DBT: variants seen among roughly 807,000 people sequenced by gnomAD.
DBT encodes lipoamide acyltransferase component of branched-chain alpha-keto acid dehydrogenase complex, mitochondrial.
DBT carries 40 observed loss-of-function variants against 51.3 expected under a neutral mutation model. The ratio of observed to expected loss-of-function variants is 0.78; its 90% confidence interval spans 0.61 to 1.02. The LOEUF is 1.02. Among genes scored for constraint, DBT ranks in the 50% least tolerant of loss-of-function variants. DBT has a pLI of 0.00. For missense variants in DBT, 510 were observed against 580.2 expected, an observed-to-expected ratio of 0.88 and a Z score of 1.24; for synonymous variants, 181 against 190.4, an observed-to-expected ratio of 0.95 and a Z score of 0.41.
intron 5 of DBT, among the ~76,000 whole-genome samples, chr1:100,217,979 T>G (rs969900164): frequency 1.3e-5 from 2 of 152,180 alleles, no homozygotes; most frequent in African/African-American, 4.8e-5. Context: ...TTAAAATAGC[T>G]CCTTATCTTA....
chr1:100,218,666 A>C lies in DBT; in HGVS notation c.515T>G (p.Leu172Arg). 6.2e-7 allele frequency: 1 copy of C among 1,614,084 alleles called. No homozygotes were observed. Among genetic ancestry groups the C allele is most frequent in the East Asian group, 2.2e-5 (1 of 44,862 alleles). ...CAGACGGCGAACTGCAGGAGTTGCCAGTGTTTTTCGGCCCTTTATCTCTTG... is the reference window on the plus strand; with the variant it reads ...CAGACGGCGAACTGCAGGAGTTGCCCGTGTTTTTCGGCCCTTTATCTCTTG... ...THQEIKGRKT[L>R]ATPAVRRLAM... The change falls in exon 5 of 11, where the codon CTG (leucine) becomes CGG (arginine). Residue 172 changes from leucine to arginine, a missense_variant. By Grantham distance (102) the Leu-to-Arg change is moderately radical. Coordinates refer to ENST00000370132, the MANE Select transcript of DBT (RefSeq NM_001918.5).
intron 1 of DBT, among the ~76,000 whole-genome samples, chr1:100,249,562 C>G (rs1161116517): frequency 6.6e-6 from 1 of 152,186 alleles, no homozygotes; most frequent in Non-Finnish European, 1.5e-5. Flanking sequence ...GCTGCAGAAG[C>G]GCTTCCAGGT....
rs201469612 is a variant in DBT, at chr1:100,235,416, CT to C, written c.251+19del. ...AATTATTTTTAAATTTACTTAAGAG[CT>C]TTTTTCAGATTCACTTACCATTCTT... On this transcript the variant is annotated intron_variant, in intron 3 of 10. Coordinates refer to ENST00000370132, the MANE Select transcript of DBT (RefSeq NM_001918.5). 7.9e-7 allele frequency: 1 copy of C among 1,272,240 alleles called. No individual in the cohort carries two copies. Among genetic ancestry groups the C allele is most frequent in the Non-Finnish European group, 1.1e-6 (1 of 875,440 alleles). The allele number at this position is 1,272,240 out of a possible 1,614,324, so 78.8% of individuals were successfully genotyped here. A position where few individuals can be genotyped will look rare whatever the true frequency, so the allele number is the denominator to read the frequency against.
At chr1:100,247,931 G>A (rs1022993534) in intron 1 of DBT, among the ~76,000 whole-genome samples, 8 of 151,626 alleles carry the variant, frequency 5.3e-5, no homozygotes, top group Non-Finnish European at 1.0e-4. Flanking sequence ...GTGAAACCTC[G>A]TCTCTACTAA....
rs1433923614 is a variant in DBT at position 100,216,062 on chromosome 1, CT to C, written c.692del (p.Lys231SerfsTer5). 4 of 1,613,676 alleles carry C rather than the reference CT, an allele frequency of 2.5e-6. No individual in the cohort carries two copies. Among genetic ancestry groups the C allele is most frequent in the Non-Finnish European group, 3.4e-6 (4 of 1,179,776 alleles). On this transcript the variant is annotated frameshift_variant, in exon 6 of 11. Coordinates refer to ENST00000370132, the MANE Select transcript of DBT (RefSeq NM_001918.5). LOFTEE classifies it high-confidence loss of function. ...GTATAGGAACAGTCATGTCTTTTGG[CT>C]TTGGTGGAGGTGGCATAATTTCAAC... ...PKVEIMPPPPKPKDMTVPILV... is the reference protein window; with the variant it reads ...PKVEIMPPPPXPKDMTVPILV...
At chr1:100,215,948 C>T (rs963617373) in intron 6 of DBT, 35 bp downstream of exon 6, 2 of 1,254,966 alleles carry the variant, frequency 1.6e-6, no homozygotes, top group African/African-American at 1.5e-5. Flanking sequence ...AATAAATGAA[C>T]TATTGCCTTA....
intron 10 of DBT, among the ~76,000 whole-genome samples, chr1:100,199,213 C>T (rs1004380622): frequency 3.3e-5 from 5 of 152,020 alleles, no homozygotes; most frequent in African/African-American, 2.4e-5. Context: ...CCATGGTCAC[C>T]GATCACCTTT....
At chr1:100,241,945 C>A (rs984576043) in intron 1 of DBT, among the ~76,000 whole-genome samples, 2 of 151,634 alleles carry the variant, frequency 1.3e-5, no homozygotes, top group African/African-American at 4.8e-5. Flanking sequence ...CGCTTGAATG[C>A]GGGAGGCAGA....
chr1:100,242,098 T>C (rs2100847363), intron 1 of DBT, among the ~76,000 whole-genome samples: 1 of 152,308 alleles, frequency 6.6e-6, no homozygotes, highest in South Asian at 2.1e-4. Flanking sequence ...TATTTACTTA[T>C]TTAATTTTAA....
chr1:100,200,257 G>A (rs891476906), intron 10 of DBT, among the ~76,000 whole-genome samples: 3 of 152,118 alleles, frequency 2.0e-5, no homozygotes, highest in East Asian at 1.9e-4. Flanking sequence ...TTGAGTAGGC[G>A]GTCTTCCCCT....
chr1:100,215,909 C>T (rs1662447242), intron 6 of DBT, 74 bp downstream of exon 6: 1 of 878,090 alleles, frequency 1.1e-6, no homozygotes, highest in Admixed American at 1.7e-5. Flanking sequence ...ATATTATATA[C>T]ATTTATCTAC....
chr1:100,206,304 A>T lies in DBT; in HGVS notation c.1210-3T>A, dbSNP rs758470589. The T allele has an allele frequency of 7.0e-7, 1 of 1,438,812 alleles. No homozygotes were observed. Among genetic ancestry groups the T allele is most frequent in the Admixed American group, 1.8e-5 (1 of 54,514 alleles). The allele number at this position is 1,438,812 out of a possible 1,614,324, so 89.1% of individuals were successfully genotyped here. On this transcript the variant is annotated splice_region_variant and splice_polypyrimidine_tract_variant and intron_variant, in intron 9 of 10. Transcript: ENST00000370132. ...GGTTTGGCAAAGGTACCACCAATCT[A>T]TTTTTTAAAAAAAAAAAAAGGAGAG... is the stretch of plus-strand genomic sequence containing the variant.
At chr1:100,236,379 T>C (rs1438091446) in intron 2 of DBT, among the ~76,000 whole-genome samples, 1 of 152,230 alleles carries the variant, frequency 6.6e-6, no homozygotes, top group East Asian at 1.9e-4. Flanking sequence ...GGTTAACAAA[T>C]GGCTCTGAAC....
At chr1:100,235,864 G>A (rs1031420119) in intron 2 of DBT, among the ~76,000 whole-genome samples, 7 of 152,264 alleles carry the variant, frequency 4.6e-5, no homozygotes, top group East Asian at 1.9e-4. Flanking sequence ...GAGAGACCCA[G>A]CTAGATATCC....
intron 4 of DBT, among the ~76,000 whole-genome samples, chr1:100,223,928 C>T (rs1376627577): frequency 6.6e-6 from 1 of 151,876 alleles, no homozygotes; most frequent in Non-Finnish European, 1.5e-5. Context: ...AGTTGGCATA[C>T]CTGAGTCCAA....
intron 10 of DBT, chr1:100,196,888 G>T: frequency 5.2e-6 from 1 of 193,340 alleles, no homozygotes; most frequent in Non-Finnish European, 1.1e-5. Flanking sequence ...TGTGTTCTTT[G>T]TGGATATTAA....
At chr1:100,196,510 G>GCC (rs1201350635) in intron 10 of DBT, 88 bp from the exon 11 acceptor site, 339 of 1,476,160 alleles carry the variant, frequency 2.3e-4, no homozygotes, top group Middle Eastern at 1.2e-3. Context: ...TAACAATGGT[G>GCC]TAAGATCAGG....
At position 100,201,175 on chromosome 1, in the gene DBT, CTAACTAGAA is replaced by C. The variant is rs1280604309; in HGVS notation, c.1282-4762_1282-4754del. Reference sequence around the variant, plus strand: ...CCTTGATAAAAGGTTAGAGGAATTGCTAACTAGAATAACCAGTTTAGAGAAGAACATAAA... The same window carrying C: ...CCTTGATAAAAGGTTAGAGGAATTGCTAACCAGTTTAGAGAAGAACATAAA... On this transcript the variant is annotated intron_variant, in intron 10 of 10. Transcript: ENST00000370132. Among the ~76,000 whole-genome samples the C allele has an allele frequency of 2.0e-5, 3 of 152,128 alleles. No homozygotes were observed. The East Asian group carries it at 5.8e-4, about 29-fold the overall frequency.
chr1:100,204,434 C>T (rs1661641134), intron 10 of DBT, among the ~76,000 whole-genome samples: 1 of 152,184 alleles, frequency 6.6e-6, no homozygotes, highest in Admixed American at 6.5e-5. Context: ...TTACAAACCA[C>T]TGCTCAAGGA....
Sources: allele counts gnomAD v4.1 joint callset (sites outside exome capture counted in the v4.1 genomes callset), GRCh38; gene constraint gnomAD v4.1.1; transcripts MANE v1.5; gene names NCBI Gene and HGNC (gene_info 2026-07-23, HGNC 2026-07-21).